The following FRA10AC1 variants were observed in gnomAD, a reference collection of about 807,000 sequenced individuals.
FRA10AC1 encodes FRA10A associated CGG repeat 1, also known as protein FRA10AC1.
In FRA10AC1, 43 loss-of-function variants were observed where a neutral mutation model predicts 56.5. The ratio of observed to expected loss-of-function variants is 0.76; its 90% CI spans 0.60 to 0.98. The LOEUF (loss-of-function observed/expected upper bound fraction) is 0.98. Ranked by LOEUF, FRA10AC1 falls within the 50% of genes least tolerant of loss-of-function variation. FRA10AC1 has a pLI of 0.00. For missense variants in FRA10AC1, 346 were observed against 351.8 expected (o/e 0.98, Z 0.13); for synonymous variants, 112 against 110.5 (o/e 1.01, Z -0.09).
chr10:93,687,307 T>C (rs910866594), intron 8 of FRA10AC1, 97 bp downstream of exon 8: 2 of 967,192 alleles, frequency 2.1e-6, no homozygotes, highest in African/African-American at 3.4e-5. Flanking sequence ...TAGCTAATAA[T>C]TTCTTGTATA....
At chr10:93,690,647 C>G (rs1429046396) in intron 7 of FRA10AC1, among the ~76,000 whole-genome samples, 1 of 152,052 alleles carries the variant, frequency 6.6e-6, no homozygotes, top group East Asian at 1.9e-4. Flanking sequence ...AACTTAAGAA[C>G]AATCCATGAA....
chr10:93,673,305 T>C (rs2058794755), intron 12 of FRA10AC1: 1 of 456,394 alleles, frequency 2.2e-6, no homozygotes, highest in Non-Finnish European at 4.4e-6. Flanking sequence ...CCATGTCTAC[T>C]TCCTCACCTC....
intron 8 of FRA10AC1, among the ~76,000 whole-genome samples, chr10:93,686,718 T>A (rs1038650510): frequency 6.6e-6 from 1 of 151,804 alleles, no homozygotes; most frequent in Non-Finnish European, 1.5e-5. Flanking sequence ...TTTTTTAAAG[T>A]AAGTTTAAAA....
At chr10:93,685,729 AC>A (rs570288146) in intron 8 of FRA10AC1, among the ~76,000 whole-genome samples, 13 of 147,662 alleles carry the variant, frequency 8.8e-5, no homozygotes, top group South Asian at 2.2e-4. Context: ...ACTCACAAAT[AC>A]CCCCCCCAAA....
Position 93,702,522 on chromosome 10 carries a change from A to ACAACCACCACCACCACCGCCGCCGCCG in FRA10AC1, c.-149_-148insCGGCGGCGGCGGTGGTGGTGGTGGTTG. 1 of 211,666 alleles carries ACAACCACCACCACCACCGCCGCCGCCG rather than the reference A, an allele frequency of 4.7e-6. No individual in the cohort carries two copies. The highest frequency in any genetic ancestry group is 9.3e-6 in the Non-Finnish European group (1 of 107,794). The allele number at this position is 211,666 out of a possible 1,614,324, so 13.1% of individuals were successfully genotyped here. ...GCCGCACAGCCTCGCCACAACCACC[A>ACAACCACCACCACCACCGCCGCCGCCG]CCGCCGCCGCCGCCGCCGCCGCCGC... is the stretch of plus-strand genomic sequence containing the variant. On this transcript the variant is annotated 5_prime_UTR_variant, in exon 1 of 14. Transcript: ENST00000359204.
chr10:93,671,892 G>A lies in FRA10AC1; in HGVS notation c.827-1044C>T, dbSNP rs764873425. The A allele has an allele frequency of 1.1e-4, 41 of 359,476 alleles. No individual in the cohort carries two copies. In the Middle Eastern group the frequency reaches 0.014, roughly 124 times the overall value. 22.3% of individuals were successfully genotyped at this position (359,476 alleles called of 1,614,324 possible). On this transcript the variant is annotated intron_variant, in intron 12 of 13. Transcript: ENST00000359204. ...TCAAATTGTTTGTATTTTAAACAAT[G>A]AGCATGAATTACCTTCAAAATCAGT... is the stretch of plus-strand genomic sequence containing the variant.
At chr10:93,675,672 TC>T in intron 12 of FRA10AC1, 1 of 375,820 alleles carries the variant, frequency 2.7e-6, no homozygotes, top group Non-Finnish European at 5.7e-6. Flanking sequence ...GCCACTGCAC[TC>T]CAACCTGGGT....
Position 93,702,455 on chromosome 10 carries a change from A to G in FRA10AC1, c.-81T>C. On this transcript the variant is annotated 5_prime_UTR_variant, in exon 1 of 14. Coordinates refer to ENST00000359204, the MANE Select transcript of FRA10AC1 (RefSeq NM_145246.5). ...TTCCCGGCAGCTGCAGCGACGACCCACGGCCTGAGAGAGCCGCTGCAGCAC... is the reference window on the plus strand; with the variant it reads ...TTCCCGGCAGCTGCAGCGACGACCCGCGGCCTGAGAGAGCCGCTGCAGCAC... The G allele has an allele frequency of 6.1e-6, 1 of 164,074 alleles. No homozygotes were observed. Among genetic ancestry groups the G allele is most frequent in the Non-Finnish European group, 1.3e-5 (1 of 76,072 alleles). 10.2% of individuals were successfully genotyped at this position (164,074 alleles called of 1,614,324 possible). A position where few individuals can be genotyped will look rare whatever the true frequency, so the allele number is the denominator to read the frequency against.
In FRA10AC1 at chr10:93,669,682, T is replaced by C. The variant is rs987066097; in HGVS notation, c.*144A>G. The C allele has an allele frequency of 3.0e-5, 19 of 630,352 alleles. No homozygotes were observed. In the African/African-American group the frequency reaches 3.6e-4, roughly 12 times the overall value. 39.0% of individuals were successfully genotyped at this position (630,352 alleles called of 1,614,324 possible). On this transcript the variant is annotated 3_prime_UTR_variant, in exon 14 of 14. Coordinates refer to ENST00000359204, the MANE Select transcript of FRA10AC1 (RefSeq NM_145246.5). The stretch of plus-strand genomic sequence containing the variant: ...TGAACTTCCAAAGCCTCTGACATTC[T>C]GAGAGAACCTGGATTTTTATTTCCA...
intron 7 of FRA10AC1, among the ~76,000 whole-genome samples, chr10:93,690,139 A>C (rs1332978120): frequency 6.6e-6 from 1 of 152,164 alleles, no homozygotes; most frequent in Non-Finnish European, 1.5e-5. Flanking sequence ...TTGTATAAAT[A>C]AAGAGAAGAG....
At chr10:93,692,437 A>T (rs1034757872) in intron 6 of FRA10AC1, among the ~76,000 whole-genome samples, 3 of 152,174 alleles carry the variant, frequency 2.0e-5, no homozygotes, top group African/African-American at 7.2e-5. Context: ...AAAGAATGTT[A>T]TTTTTTTGAA....
At chr10:93,696,208 C>T (rs972024616) in intron 4 of FRA10AC1, among the ~76,000 whole-genome samples, 3 of 152,156 alleles carry the variant, frequency 2.0e-5, no homozygotes, top group Admixed American at 6.5e-5. Context: ...GACATGATAG[C>T]GAGTTCCCTA....
intron 4 of FRA10AC1, among the ~76,000 whole-genome samples, chr10:93,696,718 T>C (rs993783227): frequency 6.6e-6 from 1 of 152,150 alleles, no homozygotes; most frequent in African/African-American, 2.4e-5. Context: ...TGTCCATCAA[T>C]GATAGACCAG....
chr10:93,701,370 T>C (rs1472481312), intron 1 of FRA10AC1, among the ~76,000 whole-genome samples: 2 of 152,208 alleles, frequency 1.3e-5, no homozygotes, highest in Non-Finnish European at 2.9e-5. Context: ...CTAAACTTCA[T>C]TGCATTGGAT....
In FRA10AC1 at chr10:93,687,690, T is replaced by C. The variant is rs73329374; in HGVS notation, c.466-241A>G. The C allele has an allele frequency of 1.2e-3, 371 of 321,078 alleles. 3 individuals carry two copies. Among genetic ancestry groups the C allele is most frequent in the African/African-American group, 7.2e-3 (331 of 46,254 alleles). 19.9% of individuals were successfully genotyped at this position (321,078 alleles called of 1,614,324 possible). A position where few individuals can be genotyped will look rare whatever the true frequency, so the allele number is the denominator to read the frequency against. On this transcript the variant is annotated intron_variant, in intron 7 of 13. Coordinates refer to ENST00000359204, the MANE Select transcript of FRA10AC1 (RefSeq NM_145246.5). ...GGTGCCAGGCCACAAGATACCTAAG[T>C]TAACAAATAATATATCCTGTTCTGT...
rs776083803 is a variant in FRA10AC1, at chr10:93,694,875, GTCT to G, written c.279_281del (p.Glu93del). On this transcript the variant is annotated inframe_deletion, in exon 5 of 14. Transcript: ENST00000359204. The stretch of plus-strand genomic sequence containing the variant: ...CTGATACTTACCCCAAACGCTTGAA[GTCT>G]TCTTTTTTGCCACCATAGTATAAAA... 5 of 1,585,838 alleles carry G rather than the reference GTCT, an allele frequency of 3.2e-6. No individual in the cohort carries two copies. Among genetic ancestry groups the G allele is most frequent in the Non-Finnish European group, 4.3e-6 (5 of 1,154,524 alleles).
chr10:93,699,934 G>A (rs1475035972), intron 2 of FRA10AC1, 96 bp downstream of exon 2: 1 of 697,398 alleles, frequency 1.4e-6, no homozygotes, highest in Non-Finnish European at 2.4e-6. Flanking sequence ...GTCTTCACAT[G>A]TAAACAGAAT....
chr10:93,669,870 T>A lies in FRA10AC1; in HGVS notation c.906-2A>T. The A allele has an allele frequency of 6.5e-7, 1 of 1,539,890 alleles. No homozygotes were observed. The highest frequency in any genetic ancestry group is 2.3e-5 in the East Asian group (1 of 44,004). ...AAATACTCATCAAATTCTTCTTCCC[T>A]ATTTAAAAAAAAAAGCATACTTAAG... On this transcript the variant is annotated splice_acceptor_variant, in intron 13 of 13. Coordinates refer to ENST00000359204, the MANE Select transcript of FRA10AC1 (RefSeq NM_145246.5). LOFTEE classifies it high-confidence loss of function.
intron 11 of FRA10AC1, among the ~76,000 whole-genome samples, chr10:93,677,526 G>T (rs757552191): frequency 1.5e-4 from 23 of 152,158 alleles, no homozygotes; most frequent in Non-Finnish European, 2.4e-4. Flanking sequence ...TAAAAAAGAC[G>T]TTAGGCTTAA....
Sources: allele counts gnomAD v4.1 joint callset (sites outside exome capture counted in the v4.1 genomes callset), GRCh38; gene constraint gnomAD v4.1.1; transcripts MANE v1.5; gene names NCBI Gene and HGNC (gene_info 2026-07-23, HGNC 2026-07-21).